The following AK6 variants were observed in gnomAD, a reference collection of about 807,000 sequenced individuals.
AK6 encodes adenylate kinase 6.
In AK6, 24 loss-of-function variants were observed where a neutral mutation model predicts 23.7. The ratio of observed to expected loss-of-function variants is 1.01; its 90% CI spans 0.73 to 1.43. The LOEUF (loss-of-function observed/expected upper bound fraction) is 1.43. Among genes scored for constraint, AK6 ranks in the 40% most tolerant of loss-of-function variants. The pLI, the probability that AK6 is intolerant of heterozygous loss-of-function variation, is 0.00. For synonymous variants in AK6, 73 were observed against 69.8 expected, an observed-to-expected ratio of 1.05 and a Z score of -0.23; for missense variants, 191 against 199.1, an observed-to-expected ratio of 0.96 and a Z score of 0.24.
Position 69,366,753 on chromosome 5 carries a change from A to C in AK6, c.29-158T>G, listed in dbSNP as rs981818366. The C allele has an allele frequency of 2.1e-5, 13 of 611,254 alleles. No homozygotes were observed. In the African/African-American group the frequency reaches 2.4e-4, roughly 11 times the overall value. 37.9% of individuals were successfully genotyped at this position (611,254 alleles called of 1,614,324 possible). On this transcript the variant is annotated intron_variant, in intron 1 of 4. Coordinates refer to ENST00000380822, the MANE Select transcript of AK6 (RefSeq NM_016283.5). The stretch of plus-strand genomic sequence containing the variant: ...GAAATGAAAAATTTCCTAATTAGCA[A>C]TCATATGTAAAATTTTTTTTTTGAG...
At chr5:69,366,685 C>CA (rs1762440830) in intron 1 of AK6, 90 bp from the exon 2 acceptor site, 1 of 982,608 alleles carries the variant, frequency 1.0e-6, no homozygotes, top group Non-Finnish European at 1.6e-6. Flanking sequence ...ATTTTTGAGA[C>CA]AGAGTCTCAC....
At chr5:69,367,821 C>G (rs932033573) in intron 1 of AK6, 1 of 152,198 alleles carries the variant, frequency 6.6e-6, no homozygotes, top group Non-Finnish European at 1.5e-5. Flanking sequence ...CTGGGATTTA[C>G]AGGCATGAGC....
At chr5:69,364,157 A>C (rs1265635371) in intron 2 of AK6, among the ~76,000 whole-genome samples, 1 of 151,938 alleles carries the variant, frequency 6.6e-6, no homozygotes, top group Non-Finnish European at 1.5e-5. Flanking sequence ...AGGTTTTAGA[A>C]ACTATAACCT....
In AK6 at chr5:69,351,980, G is replaced by A; in HGVS notation, c.*81C>T. ...GGTTCTGCAACATGATTTTAATAAA[G>A]TGTTACTGACACTTGAACAATTTCT... On this transcript the variant is annotated 3_prime_UTR_variant, in exon 5 of 5. Coordinates refer to ENST00000380822, the MANE Select transcript of AK6 (RefSeq NM_016283.5). 1 of 1,219,100 alleles carries A rather than the reference G, an allele frequency of 8.2e-7. No homozygotes were observed. Among genetic ancestry groups the A allele is most frequent in the Admixed American group, 2.3e-5 (1 of 43,158 alleles). The allele number at this position is 1,219,100 out of a possible 1,614,324, so 75.5% of individuals were successfully genotyped here.
chr5:69,362,615 C>T (rs1762270670), intron 2 of AK6, among the ~76,000 whole-genome samples: 1 of 151,884 alleles, frequency 6.6e-6, no homozygotes, highest in South Asian at 2.1e-4. Flanking sequence ...CACAGTGAGG[C>T]CTTGTGTCTG....
intron 2 of AK6, among the ~76,000 whole-genome samples, chr5:69,363,966 T>C (rs1489138010): frequency 1.3e-5 from 2 of 151,938 alleles, no homozygotes; most frequent in African/African-American, 4.8e-5. Flanking sequence ...TGCACACCTG[T>C]AATTCCAGCT....
intron 1 of AK6, among the ~76,000 whole-genome samples, chr5:69,367,534 C>T (rs1466864269): frequency 6.6e-6 from 1 of 151,142 alleles, no homozygotes; most frequent in Non-Finnish European, 1.5e-5. Flanking sequence ...TTAGCCACCT[C>T]GAATCAATTA....
At chr5:69,362,956 A>C (rs1308279057) in intron 2 of AK6, among the ~76,000 whole-genome samples, 1 of 152,226 alleles carries the variant, frequency 6.6e-6, no homozygotes, top group Admixed American at 6.5e-5. Context: ...TACTTGAGGT[A>C]CAGTGGCTCT....
rs1034073257 is a variant in AK6, at chr5:69,367,444, A to G, written c.29-849T>C. On this transcript the variant is annotated intron_variant, in intron 1 of 4. Transcript: ENST00000380822. ...AGAATCCCTTGAACCAGGTAGTTGT[A>G]GGATGCAGTGAGCCAAGATCGCGCC... Among the ~76,000 whole-genome samples the G allele has an allele frequency of 2.7e-5, 4 of 148,276 alleles. No homozygotes were observed. The East Asian group carries it at 8.3e-4, about 31-fold the overall frequency.
chr5:69,353,218 T>C (rs193296315), intron 4 of AK6, among the ~76,000 whole-genome samples: 1 of 152,102 alleles, frequency 6.6e-6, no homozygotes, highest in East Asian at 1.9e-4. Flanking sequence ...AGAGAGTAGA[T>C]TATTGGTTGC....
chr5:69,359,934 T>C (rs1401694861), intron 2 of AK6, among the ~76,000 whole-genome samples: 1 of 152,216 alleles, frequency 6.6e-6, no homozygotes, highest in Non-Finnish European at 1.5e-5. Context: ...AGATATGACA[T>C]TGGAGTTGGG....
chr5:69,354,501 T>C (rs1458338843), intron 4 of AK6, among the ~76,000 whole-genome samples: 1 of 152,172 alleles, frequency 6.6e-6, no homozygotes, highest in African/African-American at 2.4e-5. Flanking sequence ...GAGCTTTCCT[T>C]TCTGAGATTG....
chr5:69,360,293 A>G (rs1762196006), intron 2 of AK6, among the ~76,000 whole-genome samples: 1 of 152,306 alleles, frequency 6.6e-6, no homozygotes, highest in African/African-American at 2.4e-5. Context: ...AAATAGGGGT[A>G]CTGTAGGGAT....
chr5:69,365,255 T>A (rs755421640), intron 2 of AK6: 2 of 1,614,194 alleles, frequency 1.2e-6, no homozygotes, highest in East Asian at 4.5e-5. Flanking sequence ...GTGTGCCTAG[T>A]GTGGGAGTAC....
At chr5:69,369,361 T>C (rs923707089) in intron 1 of AK6, 102 bp downstream of exon 1, 6 of 1,345,632 alleles carry the variant, frequency 4.5e-6, no homozygotes, top group Non-Finnish European at 6.0e-6. Flanking sequence ...GGCCGGCCTC[T>C]GAAGAGGGCA....
At chr5:69,359,867 C>G (rs1016518116) in intron 2 of AK6, among the ~76,000 whole-genome samples, 1 of 152,150 alleles carries the variant, frequency 6.6e-6, no homozygotes, top group Non-Finnish European at 1.5e-5. Flanking sequence ...AAATACCTGG[C>G]TTTTTATGCG....
At chr5:69,360,201 G>C (rs949175522) in intron 2 of AK6, among the ~76,000 whole-genome samples, 8 of 152,176 alleles carry the variant, frequency 5.3e-5, no homozygotes, top group African/African-American at 1.9e-4. Flanking sequence ...TGATAGTGTA[G>C]AAGAGGGAAG....
intron 2 of AK6, chr5:69,365,865 A>C: frequency 2.7e-6 from 2 of 730,114 alleles, no homozygotes; most frequent in Non-Finnish European, 4.0e-6. Flanking sequence ...ACTGTAAAAA[A>C]ATTTTTAAAA....
intron 4 of AK6, among the ~76,000 whole-genome samples, chr5:69,354,647 G>A (rs993896501): frequency 5.9e-5 from 9 of 152,176 alleles, no homozygotes; most frequent in East Asian, 3.9e-4. Context: ...GGTTTAACTC[G>A]GTATCTATTA....
Sources: allele counts gnomAD v4.1 joint callset (sites outside exome capture counted in the v4.1 genomes callset), GRCh38; gene constraint gnomAD v4.1.1; transcripts MANE v1.5; gene names NCBI Gene and HGNC (gene_info 2026-07-23, HGNC 2026-07-21).